SKAP1: variants seen among roughly 807,000 people sequenced by gnomAD.
SKAP1 encodes the protein src kinase associated phosphoprotein 1.
SKAP1 carries 44 observed loss-of-function variants against 58.5 expected under a neutral mutation model. The observed-to-expected ratio is 0.75, with a 90% CI of 0.59 to 0.97. The LOEUF (loss-of-function observed/expected upper bound fraction) is 0.97, where lower values mean the gene tolerates loss of function less well. Among genes scored for constraint, SKAP1 ranks in the 50% least tolerant of loss-of-function variants. The probability of loss-of-function intolerance (pLI) is 0.00; values close to 1 mark genes in which losing one functional copy is unlikely to be tolerated. For missense variants in SKAP1, 390 were observed against 435.2 expected, an observed-to-expected ratio of 0.90 and a Z score of 0.92; for synonymous variants, 127 against 149.7, an observed-to-expected ratio of 0.85 and a Z score of 1.11.
In SKAP1 at chr17:48,315,996, T is replaced by C. The variant is rs1041073080; in HGVS notation, c.280+29909A>G. 2.0e-5 allele frequency among the ~76,000 whole-genome samples: 3 copies of C among 152,012 alleles called. No homozygotes were observed. In the East Asian group the frequency reaches 5.9e-4, roughly 30 times the overall value. ...GGGATACTCAACCTGTATATACATA[T>C]ATGCTAATATTTTCCTCCCATCGCC... On this transcript the variant is annotated intron_variant, in intron 4 of 12. Coordinates refer to ENST00000336915, the MANE Select transcript of SKAP1 (RefSeq NM_003726.4).
chr17:48,162,373 G>T, intron 11 of SKAP1, 96 bp downstream of exon 11: 1 of 656,984 alleles, frequency 1.5e-6, no homozygotes, highest in Non-Finnish European at 2.6e-6. Context: ...AGGGAGCCAT[G>T]GGAAGTGTAT....
chr17:48,389,352 G>A (rs1286431852), intron 2 of SKAP1, among the ~76,000 whole-genome samples: 1 of 151,978 alleles, frequency 6.6e-6, no homozygotes, highest in African/African-American at 2.4e-5. Context: ...GACACCCTTC[G>A]AAGCCCAAAG....
chr17:48,226,370 T>C (rs564094981), intron 4 of SKAP1, among the ~76,000 whole-genome samples: 1 of 152,220 alleles, frequency 6.6e-6, no homozygotes, highest in South Asian at 2.1e-4. Flanking sequence ...TTCTTAATCA[T>C]AAATCAGAAA....
chr17:48,426,109 C>G (rs1196640894), intron 1 of SKAP1, among the ~76,000 whole-genome samples: 1 of 152,156 alleles, frequency 6.6e-6, no homozygotes, highest in Non-Finnish European at 1.5e-5. Flanking sequence ...TCTGCAAGTT[C>G]CCCACAGTTG....
At chr17:48,359,778 GT>G (rs34856253) in intron 3 of SKAP1, among the ~76,000 whole-genome samples, 2 of 151,288 alleles carry the variant, frequency 1.3e-5, no homozygotes, top group South Asian at 4.2e-4. Context: ...AGCTAATTTT[GT>G]TTTTTTTGTA....
the SKAP1 span, among the ~76,000 whole-genome samples, chr17:48,438,590 C>T: frequency 1.4e-3 from 212 of 152,288 alleles, 1 homozygote; most frequent in African/African-American, 4.8e-3. Context: ...TCTCCCCACC[C>T]ACCTCCAGAG....
chr17:48,410,388 G>C (rs963975581), intron 1 of SKAP1, among the ~76,000 whole-genome samples: 1 of 151,986 alleles, frequency 6.6e-6, no homozygotes, highest in Non-Finnish European at 1.5e-5. Context: ...TCCTTGCTTT[G>C]TCAGCTAAGA....
chr17:48,330,540 T>C (rs1042764149), intron 4 of SKAP1, among the ~76,000 whole-genome samples: 3 of 152,172 alleles, frequency 2.0e-5, no homozygotes, highest in Non-Finnish European at 2.9e-5. Flanking sequence ...AGGTTAAACA[T>C]ATGCATGAGA....
intron 10 of SKAP1, among the ~76,000 whole-genome samples, chr17:48,167,131 G>C (rs764948058): frequency 3.9e-5 from 6 of 152,144 alleles, no homozygotes; most frequent in Non-Finnish European, 7.3e-5. Flanking sequence ...CTCCCAAAGT[G>C]CTGGAATTAC....
chr17:48,178,808 C>G (rs1289931455), intron 9 of SKAP1, among the ~76,000 whole-genome samples: 1 of 152,080 alleles, frequency 6.6e-6, no homozygotes, highest in Non-Finnish European at 1.5e-5. Flanking sequence ...TCGACCTCAA[C>G]CAAGATATCA....
At chr17:48,354,808 C>A (rs2066853957) in intron 3 of SKAP1, among the ~76,000 whole-genome samples, 1 of 152,122 alleles carries the variant, frequency 6.6e-6, no homozygotes, top group African/African-American at 2.4e-5. Flanking sequence ...CAAGCAAATT[C>A]ATTGGGTTTC....
upstream of SKAP1, among the ~76,000 whole-genome samples, chr17:48,431,536 A>G (rs142935316): frequency 6.0e-3 from 912 of 152,298 alleles, 3 homozygotes; most frequent in Non-Finnish European, 0.01. Context: ...GGTTGTCAAG[A>G]TAAACTGCAG....
chr17:48,222,489 T>A (rs914400105), intron 4 of SKAP1, among the ~76,000 whole-genome samples: 4 of 151,946 alleles, frequency 2.6e-5, no homozygotes, highest in African/African-American at 7.2e-5. Context: ...ATATATATAT[T>A]TTTTTCCCGA....
chr17:48,406,400 A>AT (rs1010746393), intron 1 of SKAP1, among the ~76,000 whole-genome samples: 19 of 150,732 alleles, frequency 1.3e-4, no homozygotes, highest in African/African-American at 4.1e-4. Context: ...AAAATTAGAA[A>AT]TTTTTTTTTC....
chr17:48,300,837 T>TA (rs2066047216), intron 4 of SKAP1, among the ~76,000 whole-genome samples: 1 of 152,204 alleles, frequency 6.6e-6, no homozygotes, highest in Non-Finnish European at 1.5e-5. Context: ...CCATGGCTTT[T>TA]TACTCTTAGT....
At chr17:48,418,456 C>G (rs568637125) in intron 1 of SKAP1, among the ~76,000 whole-genome samples, 4 of 152,032 alleles carry the variant, frequency 2.6e-5, no homozygotes, top group Non-Finnish European at 5.9e-5. Context: ...GACTGCAATA[C>G]CAAATGTTGG....
At chr17:48,325,049 C>A (rs2066416233) in intron 4 of SKAP1, among the ~76,000 whole-genome samples, 2 of 152,112 alleles carry the variant, frequency 1.3e-5, no homozygotes, top group South Asian at 4.2e-4. Context: ...GAGATCGAGA[C>A]CATCCTGGCT....
chr17:48,250,272 G>GTTTTTTTT (rs755523173), intron 4 of SKAP1, among the ~76,000 whole-genome samples: 6 of 74,034 alleles, frequency 8.1e-5, no homozygotes, highest in African/African-American at 3.2e-4. Context: ...GCCATAGACA[G>GTTTTTTTT]TTTTTTTTTT....
At chr17:48,150,277 A>G (rs2063884725) in intron 11 of SKAP1, among the ~76,000 whole-genome samples, 1 of 152,256 alleles carries the variant, frequency 6.6e-6, no homozygotes, top group African/African-American at 2.4e-5. Flanking sequence ...TGTAATTCTG[A>G]GGATTATCTT....
Sources: allele counts gnomAD v4.1 joint callset (sites outside exome capture counted in the v4.1 genomes callset), GRCh38; gene constraint gnomAD v4.1.1; transcripts MANE v1.5; gene names NCBI Gene and HGNC (gene_info 2026-07-23, HGNC 2026-07-21).